SPHKAP: variants seen among roughly 807,000 people sequenced by gnomAD.
SPHKAP encodes A-kinase anchor protein SPHKAP.
Under a neutral mutation model 137.5 loss-of-function variants are expected in SPHKAP, and 67 were observed. That is an observed-to-expected ratio of 0.49 (90% CI 0.40 to 0.60). The LOEUF (loss-of-function observed/expected upper bound fraction) is 0.60. Ranked by LOEUF, SPHKAP falls within the 20% of genes least tolerant of loss-of-function variation. SPHKAP has a pLI of 0.00. For synonymous variants in SPHKAP, 813 were observed against 785.3 expected (o/e 1.04, Z -0.59); for missense variants, 2,097 against 2,069.3 (o/e 1.01, Z -0.26).
At chr2:228,104,929 G>A (rs1698294082) in intron 3 of SPHKAP, among the ~76,000 whole-genome samples, 1 of 152,076 alleles carries the variant, frequency 6.6e-6, no homozygotes, top group Non-Finnish European at 1.5e-5. Flanking sequence ...AAAAAACAGT[G>A]GAAGATTTTT....
At chr2:228,096,402 G>A (rs949811905) in intron 3 of SPHKAP, among the ~76,000 whole-genome samples, 1 of 152,048 alleles carries the variant, frequency 6.6e-6, no homozygotes, top group African/African-American at 2.4e-5. Flanking sequence ...CTCAGTGTAC[G>A]TTGCAGACTG....
chr2:228,071,661 G>C (rs1339151738), intron 3 of SPHKAP, among the ~76,000 whole-genome samples: 1 of 152,072 alleles, frequency 6.6e-6, no homozygotes, highest in East Asian at 1.9e-4. Context: ...TATAGCTGCA[G>C]TGATGGCTTC....
chr2:228,140,019 A>G (rs1260900557), intron 1 of SPHKAP, among the ~76,000 whole-genome samples: 1 of 150,664 alleles, frequency 6.6e-6, no homozygotes, highest in Non-Finnish European at 1.5e-5. Context: ...ACCTCAGCTC[A>G]CTGCAACCTC....
intron 1 of SPHKAP, among the ~76,000 whole-genome samples, chr2:228,148,269 C>A (rs1699835849): frequency 6.6e-6 from 1 of 152,168 alleles, no homozygotes; most frequent in African/African-American, 2.4e-5. Context: ...AAACACACTG[C>A]CAGTCCTAGG....
intron 1 of SPHKAP, among the ~76,000 whole-genome samples, chr2:228,145,680 T>A (rs1479525828): frequency 6.6e-6 from 1 of 152,162 alleles, no homozygotes; most frequent in Non-Finnish European, 1.5e-5. Context: ...AAAAATATAG[T>A]AAACTTAAAA....
intron 7 of SPHKAP, among the ~76,000 whole-genome samples, chr2:228,012,454 T>A (rs1201520203): frequency 6.6e-6 from 1 of 152,246 alleles, no homozygotes; most frequent in Non-Finnish European, 1.5e-5. Flanking sequence ...TGGCACCTTC[T>A]CTTCGTTTAG....
intron 3 of SPHKAP, among the ~76,000 whole-genome samples, chr2:228,048,881 G>C (rs1343962694): frequency 1.3e-5 from 2 of 152,060 alleles, no homozygotes; most frequent in East Asian, 3.9e-4. Flanking sequence ...GTTTCTTATA[G>C]ATGTGTGTAA....
At chr2:228,044,315 A>G (rs1695951437) in intron 3 of SPHKAP, among the ~76,000 whole-genome samples, 1 of 152,224 alleles carries the variant, frequency 6.6e-6, no homozygotes, top group Admixed American at 6.5e-5. Context: ...ATTTAGTCCT[A>G]AAATATAGTT....
chr2:228,027,988 A>G, intron 3 of SPHKAP: 2 of 983,198 alleles, frequency 2.0e-6, no homozygotes, highest in Non-Finnish European at 2.4e-6. Context: ...AAAAAAGAAA[A>G]AAAGAAATAG....
intron 1 of SPHKAP, chr2:228,173,067 A>G: frequency 1.0e-6 from 1 of 985,380 alleles, no homozygotes; most frequent in Non-Finnish European, 1.2e-6. Context: ...GTCCATCCTG[A>G]TCTGGTTTTA....
At chr2:228,081,723 T>G (rs1021570365) in intron 3 of SPHKAP, among the ~76,000 whole-genome samples, 1 of 152,162 alleles carries the variant, frequency 6.6e-6, no homozygotes, top group Non-Finnish European at 1.5e-5. Context: ...ATTTTGCTGA[T>G]GTGTAGAGTT....
chr2:228,098,723 T>G (rs554477796), intron 3 of SPHKAP, among the ~76,000 whole-genome samples: 2 of 148,956 alleles, frequency 1.3e-5, no homozygotes, highest in South Asian at 4.3e-4. Flanking sequence ...GTAACTAACC[T>G]GCACGTTGTG....
At chr2:228,116,358 C>G (rs1048616802) in intron 2 of SPHKAP, among the ~76,000 whole-genome samples, 4 of 152,114 alleles carry the variant, frequency 2.6e-5, no homozygotes, top group Admixed American at 2.0e-4. Context: ...CATTATTTAA[C>G]TGTTCAACGC....
At chr2:228,166,749 T>G (rs556665970) in intron 1 of SPHKAP, among the ~76,000 whole-genome samples, 1 of 152,266 alleles carries the variant, frequency 6.6e-6, no homozygotes, top group African/African-American at 2.4e-5. Flanking sequence ...GTTATTATGG[T>G]TATTGTATCA....
At chr2:228,113,640 T>G (rs940796786) in intron 2 of SPHKAP, among the ~76,000 whole-genome samples, 7 of 144,354 alleles carry the variant, frequency 4.8e-5, no homozygotes, top group African/African-American at 1.2e-4. Flanking sequence ...TCTCTCTCTC[T>G]CTCTCTCTCT....
At chr2:228,066,519 C>T (rs1187776788) in intron 3 of SPHKAP, among the ~76,000 whole-genome samples, 1 of 152,148 alleles carries the variant, frequency 6.6e-6, no homozygotes, top group Admixed American at 6.5e-5. Context: ...TACCCTCTGT[C>T]CCCTTTCACA....
At chr2:228,115,776 A>T (rs889888416) in intron 2 of SPHKAP, among the ~76,000 whole-genome samples, 1 of 152,080 alleles carries the variant, frequency 6.6e-6, no homozygotes, top group Non-Finnish European at 1.5e-5. Context: ...GATAGGGAAT[A>T]AAAGGGATGG....
At chr2:228,121,185 G>T (rs181591860) in intron 2 of SPHKAP, among the ~76,000 whole-genome samples, 4 of 152,280 alleles carry the variant, frequency 2.6e-5, no homozygotes, top group Non-Finnish European at 5.9e-5. Context: ...CTTGAGTATT[G>T]GTGCATGCCT....
chr2:228,031,275 C>T (rs1574774226), intron 3 of SPHKAP, among the ~76,000 whole-genome samples: 1 of 152,222 alleles, frequency 6.6e-6, no homozygotes, highest in Non-Finnish European at 1.5e-5. Context: ...ATTGCTAGCA[C>T]AGCAGTCTGA....
Sources: gnomAD v4.1 joint callset for allele counts (sites outside exome capture counted in the v4.1 genomes callset) on GRCh38, gnomAD v4.1.1 for gene constraint, MANE v1.5 for transcripts, NCBI Gene and HGNC (gene_info 2026-07-23, HGNC 2026-07-21) for gene names.